PIP4K2A: variants seen among roughly 807,000 people sequenced by gnomAD.
PIP4K2A encodes phosphatidylinositol-5-phosphate 4-kinase type 2 alpha.
Under a neutral mutation model 42.9 loss-of-function variants are expected in PIP4K2A, and 14 were observed. The observed-to-expected ratio is 0.33, with a 90% CI of 0.22 to 0.51. The LOEUF is 0.51. Ranked by LOEUF, PIP4K2A falls within the 20% of genes least tolerant of loss-of-function variation. The probability of loss-of-function intolerance (pLI) is 0.97; values close to 1 mark genes in which losing one functional copy is unlikely to be tolerated. For synonymous variants in PIP4K2A, 192 were observed against 192.2 expected (o/e 1.00, Z 0.01); for missense variants, 434 against 519.8 (o/e 0.83, Z 1.61).
intron 1 of PIP4K2A, among the ~76,000 whole-genome samples, chr10:22,686,905 G>T (rs559582660): frequency 2.6e-4 from 40 of 152,258 alleles, no homozygotes; most frequent in Non-Finnish European, 5.4e-4. Flanking sequence ...CGCCAGAAGC[G>T]CATTTAGGGC....
chr10:22,619,657 G>C (rs757953213), intron 1 of PIP4K2A, among the ~76,000 whole-genome samples: 3 of 151,896 alleles, frequency 2.0e-5, no homozygotes, highest in Admixed American at 2.0e-4. Flanking sequence ...GGCTGGTCTC[G>C]AACTCCTGAC....
rs1054709355 is a variant in PIP4K2A at position 22,714,496 on chromosome 10, CCGCTCGGCCCGGCAGACTG to C, written c.-189_-171del. 5.3e-6 allele frequency: 1 copy of C among 187,870 alleles called. No individual in the cohort carries two copies. Among genetic ancestry groups the C allele is most frequent in the Non-Finnish European group, 9.6e-6 (1 of 103,760 alleles). 11.6% of individuals were successfully genotyped at this position (187,870 alleles called of 1,614,324 possible). A position where few individuals can be genotyped will look rare whatever the true frequency, so the allele number is the denominator to read the frequency against. ...CTCAGCCCCACTCGGCTCGCTCCGC[CCGCTCGGCCCGGCAGACTG>C]CGCTCGGCTCGCGCCCCGGCCCGTA... is the stretch of plus-strand genomic sequence containing the variant. On this transcript the variant is annotated 5_prime_UTR_variant, in exon 1 of 10. Transcript: ENST00000376573.
At chr10:22,603,491 G>C (rs1225314067) in intron 3 of PIP4K2A, among the ~76,000 whole-genome samples, 1 of 151,948 alleles carries the variant, frequency 6.6e-6, no homozygotes, top group Non-Finnish European at 1.5e-5. Flanking sequence ...GAGTATAAGA[G>C]ACTGGAAAGA....
At chr10:22,693,476 A>G (rs1199728230) in intron 1 of PIP4K2A, among the ~76,000 whole-genome samples, 1 of 152,220 alleles carries the variant, frequency 6.6e-6, no homozygotes, top group Non-Finnish European at 1.5e-5. Flanking sequence ...ATTTATGAGT[A>G]TTCTTTATGT....
intron 1 of PIP4K2A, among the ~76,000 whole-genome samples, chr10:22,640,687 T>C (rs529520586): frequency 1.3e-5 from 2 of 152,272 alleles, no homozygotes; most frequent in African/African-American, 4.8e-5. Flanking sequence ...ATCCAATTTA[T>C]TTACCTTCTC....
At chr10:22,664,022 C>CAT (rs1839258879) in intron 1 of PIP4K2A, among the ~76,000 whole-genome samples, 1 of 110,962 alleles carries the variant, frequency 9.0e-6, no homozygotes, top group Non-Finnish European at 1.7e-5. Context: ...TCTCTCTCTC[C>CAT]ATATATATAC....
At chr10:22,597,034 CAAGTA>C (rs1201128651) in intron 3 of PIP4K2A, among the ~76,000 whole-genome samples, 1 of 152,216 alleles carries the variant, frequency 6.6e-6, no homozygotes, top group Non-Finnish European at 1.5e-5. Flanking sequence ...TCGATTTTGC[CAAGTA>C]AAGTGTGTAG....
chr10:22,667,172 G>A (rs1276218866), intron 1 of PIP4K2A, among the ~76,000 whole-genome samples: 1 of 152,112 alleles, frequency 6.6e-6, no homozygotes, highest in African/African-American at 2.4e-5. Context: ...GGTGAAAGTG[G>A]GTACTAACGG....
intron 3 of PIP4K2A, among the ~76,000 whole-genome samples, chr10:22,601,735 AG>A (rs1837785380): frequency 6.6e-6 from 1 of 152,220 alleles, no homozygotes; most frequent in Non-Finnish European, 1.5e-5. Context: ...CCTCATTCAG[AG>A]TTGTGACCCA....
At chr10:22,627,630 A>AAAAAAAAAAAAAAAAAAAAAAG (rs1346625282) in intron 1 of PIP4K2A, among the ~76,000 whole-genome samples, 7 of 118,136 alleles carry the variant, frequency 5.9e-5, no homozygotes, top group Non-Finnish European at 1.1e-4. Flanking sequence ...AAAAAAAAAA[A>AAAAAAAAAAAAAAAAAAAAAAG]AGATAAGGAA....
At chr10:22,674,438 A>G (rs34685590) in intron 1 of PIP4K2A, among the ~76,000 whole-genome samples, 1 of 150,412 alleles carries the variant, frequency 6.6e-6, no homozygotes, top group Non-Finnish European at 1.5e-5. Context: ...AAAAAAAAAA[A>G]GAAGACCAGA....
At chr10:22,619,893 T>C (rs1838280703) in intron 1 of PIP4K2A, among the ~76,000 whole-genome samples, 1 of 152,180 alleles carries the variant, frequency 6.6e-6, no homozygotes, top group Admixed American at 6.5e-5. Flanking sequence ...ACAAGCCAAA[T>C]AAAGTTATTC....
At position 22,605,123 on chromosome 10, in the gene PIP4K2A, T is replaced by C. The variant is rs539632497; in HGVS notation, c.339+2804A>G. On this transcript the variant is annotated intron_variant, in intron 3 of 9. Coordinates refer to ENST00000376573, the MANE Select transcript of PIP4K2A (RefSeq NM_005028.5). ...AGGTACAGACACTGGGAAAGAAATA[T>C]ACGACTGAGGAGGGAAGAAGAGTAT... Among the ~76,000 whole-genome samples, 3 of 152,134 alleles carry C rather than the reference T, an allele frequency of 2.0e-5. No individual in the cohort carries two copies. In the East Asian group the frequency reaches 5.8e-4, roughly 29 times the overall value.
chr10:22,549,563 C>G (rs945863206), intron 7 of PIP4K2A, among the ~76,000 whole-genome samples: 5 of 151,318 alleles, frequency 3.3e-5, no homozygotes, highest in African/African-American at 1.2e-4. Context: ...TTTTTTTGGC[C>G]GGGCTTGGTG....
rs1835930869 is a variant in PIP4K2A at position 22,536,720 on chromosome 10, A to AAAAAAAAAAAAAAAAAC, written c.*480_*481insGTTTTTTTTTTTTTTTT. 9.4e-6 allele frequency: 1 copy of AAAAAAAAAAAAAAAAAC among 106,480 alleles called. No individual in the cohort carries two copies. Among genetic ancestry groups the AAAAAAAAAAAAAAAAAC allele is most frequent in the Non-Finnish European group, 2.1e-5 (1 of 46,568 alleles). The allele number at this position is 106,480 out of a possible 1,614,324, so 6.6% of individuals were successfully genotyped here. On this transcript the variant is annotated 3_prime_UTR_variant, in exon 10 of 10. Coordinates refer to ENST00000376573, the MANE Select transcript of PIP4K2A (RefSeq NM_005028.5). ...GTCTCACATCTTTCAACTCCAAAAA[A>AAAAAAAAAAAAAAAAAC]AAAAAAAAAAAAAAAAAACTGATCC...
chr10:22,653,309 C>A (rs1839030721), intron 1 of PIP4K2A, among the ~76,000 whole-genome samples: 1 of 152,130 alleles, frequency 6.6e-6, no homozygotes, highest in East Asian at 1.9e-4. Flanking sequence ...TGCATGACAG[C>A]CAAGCCAGGC....
intron 6 of PIP4K2A, among the ~76,000 whole-genome samples, chr10:22,556,608 T>G (rs1836556482): frequency 1.3e-5 from 2 of 152,174 alleles, no homozygotes; most frequent in South Asian, 4.1e-4. Flanking sequence ...CTCAGCACAT[T>G]ATAATAGTGG....
chr10:22,668,627 T>C (rs1436543017), intron 1 of PIP4K2A, among the ~76,000 whole-genome samples: 1 of 152,206 alleles, frequency 6.6e-6, no homozygotes, highest in Non-Finnish European at 1.5e-5. Context: ...ATGTTATAAA[T>C]AGAAGCTGGT....
intron 4 of PIP4K2A, among the ~76,000 whole-genome samples, chr10:22,586,790 C>A (rs1837405775): frequency 6.6e-6 from 1 of 152,290 alleles, no homozygotes; most frequent in East Asian, 1.9e-4. Context: ...CTCGGCCTCC[C>A]AAAGTGCTGG....
Sources: allele counts gnomAD v4.1 joint callset (sites outside exome capture counted in the v4.1 genomes callset), GRCh38; gene constraint gnomAD v4.1.1; transcripts MANE v1.5; gene names NCBI Gene and HGNC (gene_info 2026-07-23, HGNC 2026-07-21).